The following SLC24A3 variants were observed in gnomAD, a reference collection of about 807,000 sequenced individuals.
The protein encoded by SLC24A3 is sodium/potassium/calcium exchanger 3.
SLC24A3 carries 28 observed loss-of-function variants against 75.8 expected under a neutral mutation model. That is an observed-to-expected ratio of 0.37 (90% CI 0.27 to 0.51). The LOEUF (loss-of-function observed/expected upper bound fraction) is 0.51, where lower values mean the gene tolerates loss of function less well. SLC24A3 is among the 20% of genes least tolerant of loss of function. The pLI is 0.94. For missense variants in SLC24A3, 663 were observed against 847.8 expected, an observed-to-expected ratio of 0.78 and a Z score of 2.71; for synonymous variants, 372 against 334.1, an observed-to-expected ratio of 1.11 and a Z score of -1.24.
In SLC24A3 at chr20:19,654,102, T is replaced by C; in HGVS notation, c.653T>C (p.Ile218Thr). Reference protein sequence around the residue: ...LSSWCLLRDSIYYTLSVIALI... With the variant: ...LSSWCLLRDSTYYTLSVIALI... ...TCCTGGTGCCTGCTGAGGGATTCTATTTACTACACGCTGTCTGTGATCGCG... is the reference window on the plus strand; with the variant it reads ...TCCTGGTGCCTGCTGAGGGATTCTACTTACTACACGCTGTCTGTGATCGCG... The change falls in exon 7 of 17, where the codon ATT (isoleucine) becomes ACT (threonine). Residue 218 changes from isoleucine (I) to threonine (T), a missense_variant. This residue lies in a region of SLC24A3 where 510 missense variants were observed against 703.6 expected (regional missense o/e 0.72). Coordinates refer to ENST00000328041, the MANE Select transcript of SLC24A3 (RefSeq NM_020689.4). 1 of 1,613,836 alleles carries C rather than the reference T, an allele frequency of 6.2e-7. No individual in the cohort carries two copies. Among genetic ancestry groups the C allele is most frequent in the South Asian group, 1.1e-5 (1 of 91,058 alleles).
intron 3 of SLC24A3, among the ~76,000 whole-genome samples, chr20:19,524,053 G>A (rs1354896899): frequency 2.6e-5 from 4 of 152,052 alleles, no homozygotes. Flanking sequence ...GCTTCAGCTG[G>A]GCTAACAGAA....
intron 2 of SLC24A3, among the ~76,000 whole-genome samples, chr20:19,506,726 C>A (rs975631255): frequency 6.6e-6 from 1 of 151,440 alleles, no homozygotes; most frequent in Non-Finnish European, 1.5e-5. Context: ...AAGAGAGTCC[C>A]CTTGCTCCCA....
chr20:19,421,426 C>A (rs1297492073), intron 2 of SLC24A3, among the ~76,000 whole-genome samples: 1 of 151,364 alleles, frequency 6.6e-6, no homozygotes, highest in Non-Finnish European at 1.5e-5. Context: ...TTTATGCAGC[C>A]AAAAAACACA....
intron 2 of SLC24A3, among the ~76,000 whole-genome samples, chr20:19,478,785 T>C (rs1394333219): frequency 6.6e-6 from 1 of 152,210 alleles, no homozygotes; most frequent in African/African-American, 2.4e-5. Context: ...TCATGTTACA[T>C]GATGAGGAAC....
At chr20:19,224,036 A>G (rs76705899) in intron 1 of SLC24A3, among the ~76,000 whole-genome samples, 6,771 of 152,256 alleles carry the variant, frequency 0.044, 244 homozygotes, top group Admixed American at 0.065. Flanking sequence ...TTTTTGGACT[A>G]TGGTCGACTG....
chr20:19,600,425 T>A (rs948184929), intron 6 of SLC24A3, among the ~76,000 whole-genome samples: 1 of 152,124 alleles, frequency 6.6e-6, no homozygotes, highest in African/African-American at 2.4e-5. Context: ...ATCAAATATA[T>A]CTCCTTAATT....
At chr20:19,459,734 A>T (rs1201915731) in intron 2 of SLC24A3, among the ~76,000 whole-genome samples, 1 of 152,046 alleles carries the variant, frequency 6.6e-6, no homozygotes, top group Admixed American at 6.6e-5. Context: ...TAGGTTTGTG[A>T]TCTCCAGGTG....
intron 3 of SLC24A3, among the ~76,000 whole-genome samples, chr20:19,562,988 G>T (rs1251249872): frequency 6.6e-6 from 1 of 152,064 alleles, no homozygotes; most frequent in Non-Finnish European, 1.5e-5. Flanking sequence ...TAGATTGTAG[G>T]GTGACCCCCT....
chr20:19,256,362 C>A (rs77015272), intron 1 of SLC24A3, among the ~76,000 whole-genome samples: 1 of 152,014 alleles, frequency 6.6e-6, no homozygotes, highest in East Asian at 1.9e-4. Flanking sequence ...CTAATGGATG[C>A]AAAGTGTCTT....
chr20:19,585,778 CATAA>C (rs1215698266), intron 6 of SLC24A3, among the ~76,000 whole-genome samples: 13 of 152,136 alleles, frequency 8.5e-5, no homozygotes, highest in African/African-American at 3.1e-4. Context: ...CTCAGGTCCA[CATAA>C]ATAATTAACC....
At chr20:19,658,426 G>A (rs960392166) in intron 7 of SLC24A3, among the ~76,000 whole-genome samples, 1 of 152,174 alleles carries the variant, frequency 6.6e-6, no homozygotes, top group Non-Finnish European at 1.5e-5. Flanking sequence ...CAGTTCACTC[G>A]GACGGAGACG....
intron 1 of SLC24A3, among the ~76,000 whole-genome samples, chr20:19,233,023 C>T (rs1225911489): frequency 2.0e-5 from 3 of 152,230 alleles, no homozygotes; most frequent in Admixed American, 6.5e-5. Flanking sequence ...CCTTTAACTG[C>T]GTCACATCAT....
chr20:19,392,373 G>A (rs1424432178), intron 2 of SLC24A3, among the ~76,000 whole-genome samples: 2 of 152,132 alleles, frequency 1.3e-5, no homozygotes, highest in South Asian at 2.1e-4. Flanking sequence ...TTCTATTAGC[G>A]TTTCTTGAGA....
intron 3 of SLC24A3, among the ~76,000 whole-genome samples, chr20:19,563,389 G>GAAAAT (rs1600281947): frequency 1.3e-5 from 2 of 152,228 alleles, no homozygotes; most frequent in East Asian, 3.9e-4. Context: ...AAACTTGAAA[G>GAAAAT]AAAATAACAA....
intron 7 of SLC24A3, among the ~76,000 whole-genome samples, chr20:19,664,892 A>T (rs2032379371): frequency 6.6e-6 from 1 of 152,204 alleles, no homozygotes; most frequent in Non-Finnish European, 1.5e-5. Context: ...TGAAAAGGAC[A>T]CCAAATTCGG....
intron 2 of SLC24A3, among the ~76,000 whole-genome samples, chr20:19,320,203 G>A (rs1414152653): frequency 1.3e-5 from 2 of 152,212 alleles, no homozygotes; most frequent in African/African-American, 4.8e-5. Flanking sequence ...GTCGGGCGCC[G>A]ACGGTCCAGG....
At position 19,525,773 on chromosome 20, in the gene SLC24A3, G is replaced by A. The variant is rs376256436; in HGVS notation, c.348+10209G>A. ...CCACCCAGCTGGGCCGCTCAAAGAG[G>A]GGTAGACTTGCACCTGTGCCCACCC... On this transcript the variant is annotated intron_variant, in intron 3 of 16. Transcript: ENST00000328041. 1.2e-4 allele frequency among the ~76,000 whole-genome samples: 19 copies of A among 152,274 alleles called. 1 individual carries two copies. The East Asian group carries it at 2.1e-3, about 17-fold the overall frequency.
intron 8 of SLC24A3, 92 bp downstream of exon 8, chr20:19,665,981 G>A: frequency 7.1e-6 from 10 of 1,414,190 alleles, no homozygotes; most frequent in Non-Finnish European, 9.8e-6. Flanking sequence ...AGAAAGAAAG[G>A]GAAGTGTCAT....
chr20:19,600,080 A>G (rs188206854), intron 6 of SLC24A3, among the ~76,000 whole-genome samples: 1 of 152,112 alleles, frequency 6.6e-6, no homozygotes, highest in South Asian at 2.1e-4. Flanking sequence ...GGTCATTCTG[A>G]GGGAAGGCCT....
Sources: allele counts gnomAD v4.1 joint callset (sites outside exome capture counted in the v4.1 genomes callset), GRCh38; gene constraint gnomAD v4.1.1; regional missense constraint gnomAD v4.1.1; transcripts MANE v1.5; gene names NCBI Gene and HGNC (gene_info 2026-07-23, HGNC 2026-07-21).